BRD4: variants seen among roughly 807,000 people sequenced by gnomAD.
BRD4 encodes the protein bromodomain containing 4.
Under a neutral mutation model 142.1 loss-of-function variants are expected in BRD4, and 16 were observed. The observed-to-expected ratio is 0.11, with a 90% CI of 0.08 to 0.17. The LOEUF is 0.17. BRD4 is among the 10% of genes least tolerant of loss of function. The pLI is 1.00. For synonymous variants in BRD4, 833 were observed against 707.5 expected (o/e 1.18, Z -2.82); for missense variants, 1,424 against 1,810.9 (o/e 0.79, Z 3.88).
At chr19:15,250,132 C>T (rs1485485327) in intron 11 of BRD4, among the ~76,000 whole-genome samples, 3 of 152,128 alleles carry the variant, frequency 2.0e-5, no homozygotes, top group African/African-American at 4.8e-5. Flanking sequence ...GGGAAAAACC[C>T]GCCCACTGGC....
intron 1 of BRD4, among the ~76,000 whole-genome samples, chr19:15,323,178 TAAAAAAA>T (rs1017018376): frequency 1.9e-4 from 14 of 73,070 alleles, no homozygotes; most frequent in South Asian, 6.4e-4. Context: ...TCCATCTCTT[TAAAAAAA>T]AAAAAAAAAA....
intron 11 of BRD4, among the ~76,000 whole-genome samples, chr19:15,251,782 C>A (rs567548563): frequency 2.0e-5 from 3 of 152,306 alleles, no homozygotes; most frequent in African/African-American, 7.2e-5. Flanking sequence ...TGCCGGCCCA[C>A]GACAGAGCTC....
At chr19:15,304,257 A>G (rs1403351250) in intron 1 of BRD4, among the ~76,000 whole-genome samples, 1 of 152,128 alleles carries the variant, frequency 6.6e-6, no homozygotes, top group Non-Finnish European at 1.5e-5. Flanking sequence ...ACAGGAACAC[A>G]CAGTGTGTGC....
At position 15,238,513 on chromosome 19, in the gene BRD4, C is replaced by T; in HGVS notation, c.4021-68G>A. The T allele has an allele frequency of 1.2e-6, 2 of 1,609,916 alleles. No individual in the cohort carries two copies. Among genetic ancestry groups the T allele is most frequent in the South Asian group, 1.1e-5 (1 of 90,520 alleles). ...CACCCTGCAGCTACAAGCCCTCATA[C>T]CCGCTACCAGCAGTCAGCCCCGTAG... On this transcript the variant is annotated intron_variant, in intron 19 of 19. Coordinates refer to ENST00000679869, the MANE Select transcript of BRD4 (RefSeq NM_001379291.1). This position sits in a 1 kb window ranked among gnomAD's most constrained non-coding sequence, Gnocchi z 7.2.
chr19:15,280,995 T>C (rs1200534510), intron 1 of BRD4, among the ~76,000 whole-genome samples: 1 of 152,194 alleles, frequency 6.6e-6, no homozygotes, highest in Non-Finnish European at 1.5e-5. Flanking sequence ...GGTGCTAGAG[T>C]GGCATCTACT....
rs774922735 is a variant in BRD4 at position 15,265,603 on chromosome 19, A to T, written c.600T>A (p.Thr200=). ...GGGTCTGCGGAGGAGTCGATGCTTG[A>T]GTTGTGTTTGGTACCGTGGAAACGC... is the stretch of plus-strand genomic sequence containing the variant. ...KPGVSTVPNT[T]QASTPPQTQT... The change falls in exon 5 of 20, where the codon ACT becomes ACA. Residue 200 remains threonine (T), a synonymous_variant. Coordinates refer to ENST00000679869, the MANE Select transcript of BRD4 (RefSeq NM_001379291.1). The T allele has an allele frequency of 6.2e-7, 1 of 1,614,092 alleles. No homozygotes were observed. The highest frequency in any genetic ancestry group is 8.5e-7 in the Non-Finnish European group (1 of 1,180,004).
intron 1 of BRD4, among the ~76,000 whole-genome samples, chr19:15,288,597 C>A (rs956815193): frequency 6.6e-6 from 1 of 152,214 alleles, no homozygotes; most frequent in Non-Finnish European, 1.5e-5. Context: ...GTGTGCAGAG[C>A]ACAGAACAGC....
chr19:15,312,504 C>T (rs933191318), intron 1 of BRD4, among the ~76,000 whole-genome samples: 3 of 151,868 alleles, frequency 2.0e-5, no homozygotes, highest in Admixed American at 6.6e-5. Context: ...TGGTGGTGTG[C>T]GCCTGTAATC....
At chr19:15,276,440 C>T (rs1053084964) in intron 1 of BRD4, among the ~76,000 whole-genome samples, 1 of 152,070 alleles carries the variant, frequency 6.6e-6, no homozygotes, top group Non-Finnish European at 1.5e-5. Flanking sequence ...CACCTTCAGC[C>T]TTTGATCTGC....
At position 15,247,100 on chromosome 19, in the gene BRD4, A is replaced by G. The variant is rs138568785; in HGVS notation, c.2159-2338T>C. The G allele has an allele frequency of 3.8e-4, 79 of 210,116 alleles. 1 individual carries two copies. The Middle Eastern group carries it at 0.013, about 33-fold the overall frequency. 13.0% of individuals were successfully genotyped at this position (210,116 alleles called of 1,614,324 possible). On this transcript the variant is annotated intron_variant, in intron 11 of 19. Transcript: ENST00000679869. ...CCATGACAATCTTCAACTCAACACAAATTTCATCTTTACATAGGATGGTAA... is the reference window on the plus strand; with the variant it reads ...CCATGACAATCTTCAACTCAACACAGATTTCATCTTTACATAGGATGGTAA...
At chr19:15,277,570 T>C (rs1043900205) in intron 1 of BRD4, among the ~76,000 whole-genome samples, 1 of 140,184 alleles carries the variant, frequency 7.1e-6, no homozygotes, top group African/African-American at 2.7e-5. Flanking sequence ...TCACCTTAAG[T>C]CTGGAATTTG....
chr19:15,328,534 T>A (rs1475778166), intron 1 of BRD4, among the ~76,000 whole-genome samples: 1 of 152,226 alleles, frequency 6.6e-6, no homozygotes, highest in Non-Finnish European at 1.5e-5. Flanking sequence ...CCCAGCGTTA[T>A]CTTAGTTGAA....
At position 15,239,098 on chromosome 19, in the gene BRD4, G is replaced by T; in HGVS notation, c.3743C>A (p.Ala1248Asp). The change falls in exon 18 of 20, where the codon GCT becomes GAT. Residue 1248 changes from alanine to aspartate, a missense_variant. Ala to Asp is a moderately radical substitution (Grantham distance 126, BLOSUM62 -2). This residue lies in a region of BRD4 where 109 missense variants were observed against 117.9 expected (regional missense o/e 0.92). Transcript: ENST00000679869. This position sits in a 1 kb window ranked among gnomAD's most constrained non-coding sequence, Gnocchi z 7.4. ...EKALKAQAEH[A>D]EKEKERLRQE... The stretch of plus-strand genomic sequence containing the variant: ...CCGCAGCCGCTCCTTCTCCTTCTCA[G>T]CGTGCTCGGCCTGAGCCTTCAGGGC... The T allele has an allele frequency of 6.2e-7, 1 of 1,606,918 alleles. No homozygotes were observed.
In BRD4 at chr19:15,253,266, C is replaced by T. The variant is rs2145560622; in HGVS notation, c.2158+886G>A. The T allele has an allele frequency of 1.0e-5, 5 of 488,298 alleles. No homozygotes were observed. In the East Asian group the frequency reaches 1.4e-4, roughly 13 times the overall value. The allele number at this position is 488,298 out of a possible 1,614,324, so 30.2% of individuals were successfully genotyped here. A position where few individuals can be genotyped will look rare whatever the true frequency, so the allele number is the denominator to read the frequency against. ...GGGGCTGGTCGCCAGGCCTTCTGGGCACCATGGCTCCCTCCCTAGCCTCTC... is the reference window on the plus strand; with the variant it reads ...GGGGCTGGTCGCCAGGCCTTCTGGGTACCATGGCTCCCTCCCTAGCCTCTC... On this transcript the variant is annotated intron_variant, in intron 11 of 19. Transcript: ENST00000679869.
At chr19:15,271,011 A>G (rs1461062931) in intron 2 of BRD4, among the ~76,000 whole-genome samples, 1 of 152,178 alleles carries the variant, frequency 6.6e-6, no homozygotes, top group Non-Finnish European at 1.5e-5. Context: ...TGGACCAAGA[A>G]CGTCCTGGCC....
rs554348360 is a variant in BRD4 at position 15,306,414 on chromosome 19, G to A, written c.-35+25876C>T. Among the ~76,000 whole-genome samples the A allele has an allele frequency of 2.6e-5, 4 of 152,222 alleles. No individual in the cohort carries two copies. In the South Asian group the frequency reaches 6.2e-4, roughly 24 times the overall value. The stretch of plus-strand genomic sequence containing the variant: ...CTCCCAAGTAGCTGGGACCACAGGC[G>A]TGTGCCACCATGCCTGGCTACTTTT... On this transcript the variant is annotated intron_variant, in intron 1 of 19. Coordinates refer to ENST00000679869, the MANE Select transcript of BRD4 (RefSeq NM_001379291.1).
chr19:15,250,053 G>T (rs1338054225), intron 11 of BRD4, among the ~76,000 whole-genome samples: 1 of 152,258 alleles, frequency 6.6e-6, no homozygotes, highest in African/African-American at 2.4e-5. Flanking sequence ...CCACGTAGCA[G>T]AGCGGATGCC....
chr19:15,237,263 A>AG lies in BRD4; in HGVS notation c.*1113dup, dbSNP rs2047200739. On this transcript the variant is annotated 3_prime_UTR_variant, in exon 20 of 20. Coordinates refer to ENST00000679869, the MANE Select transcript of BRD4 (RefSeq NM_001379291.1). ...AAATGGGTGGGGGGGGGGGGGGTGG[A>AG]GGGGAAAGAAAAGAAATTGTAGCTT... The AG allele has an allele frequency of 8.3e-5, 3 of 36,050 alleles. No homozygotes were observed. Among genetic ancestry groups the AG allele is most frequent in the Non-Finnish European group, 1.4e-4 (3 of 20,894 alleles). The allele number at this position is 36,050 out of a possible 1,614,324, so 2.2% of individuals were successfully genotyped here. A position where few individuals can be genotyped will look rare whatever the true frequency, so the allele number is the denominator to read the frequency against.
chr19:15,300,694 CATGAAGAAAT>C (rs1323270263), intron 1 of BRD4, among the ~76,000 whole-genome samples: 1 of 151,506 alleles, frequency 6.6e-6, no homozygotes, highest in Admixed American at 6.6e-5. Context: ...CGTCACTAGT[CATGAAGAAAT>C]ACAAATCACA....
Sources: allele counts gnomAD v4.1 joint callset (sites outside exome capture counted in the v4.1 genomes callset), GRCh38; gene constraint gnomAD v4.1.1; regional missense constraint gnomAD v4.1.1; non-coding constraint Gnocchi (gnomAD v3.1); transcripts MANE v1.5; gene names NCBI Gene and HGNC (gene_info 2026-07-23, HGNC 2026-07-21).